The following DCAF6 variants were observed in gnomAD, a reference collection of about 807,000 sequenced individuals.
DCAF6 encodes the protein DDB1 and CUL4 associated factor 6.
Under a neutral mutation model 125.1 loss-of-function variants are expected in DCAF6, and 54 were observed. That is an observed-to-expected ratio of 0.43 (90% CI 0.35 to 0.54). The LOEUF (loss-of-function observed/expected upper bound fraction) is 0.54. DCAF6 is among the 20% of genes least tolerant of loss of function. The pLI is 0.01. For synonymous variants in DCAF6, 371 were observed against 390.4 expected (o/e 0.95, Z 0.58); for missense variants, 934 against 1,161.7 (o/e 0.80, Z 2.85).
the DCAF6 span, among the ~76,000 whole-genome samples, chr1:167,929,709 G>A: frequency 6.6e-6 from 1 of 152,240 alleles, no homozygotes; most frequent in Admixed American, 6.5e-5. Flanking sequence ...TCGTATATAT[G>A]ATTCCCTCCC....
chr1:167,873,569 G>A, the DCAF6 span, among the ~76,000 whole-genome samples: 3 of 152,122 alleles, frequency 2.0e-5, no homozygotes, highest in South Asian at 2.1e-4. Context: ...GAATCCACAG[G>A]TCAATCTTCT....
chr1:168,028,294 TAAC>T (rs1686604639), intron 12 of DCAF6, among the ~76,000 whole-genome samples: 1 of 152,156 alleles, frequency 6.6e-6, no homozygotes, highest in African/African-American at 2.4e-5. Context: ...TTTTAAAAAA[TAAC>T]AACAGCAAAA....
At chr1:167,983,706 TCTA>T (rs1479849133) in intron 4 of DCAF6, among the ~76,000 whole-genome samples, 1 of 152,234 alleles carries the variant, frequency 6.6e-6, no homozygotes, top group Non-Finnish European at 1.5e-5. Flanking sequence ...CTTTTCAAAT[TCTA>T]CTATTAATGT....
chr1:167,868,357 A>G, the DCAF6 span, among the ~76,000 whole-genome samples: 13 of 152,330 alleles, frequency 8.5e-5, no homozygotes, highest in Admixed American at 8.5e-4. Context: ...AAAAGTCTCA[A>G]TTATTAGACA....
chr1:167,979,055 T>G (rs943257217), intron 4 of DCAF6, among the ~76,000 whole-genome samples: 2 of 152,226 alleles, frequency 1.3e-5, no homozygotes, highest in African/African-American at 4.8e-5. Flanking sequence ...CCCAAAGTTA[T>G]GAAGATATTC....
chr1:168,037,959 G>A (rs895281845), intron 12 of DCAF6, among the ~76,000 whole-genome samples: 5 of 152,104 alleles, frequency 3.3e-5, no homozygotes, highest in African/African-American at 1.2e-4. Flanking sequence ...CAGAGCCCTT[G>A]TATCTTACAT....
At chr1:167,870,170 A>T in the DCAF6 span, 1 of 1,459,508 alleles carries the variant, frequency 6.9e-7, no homozygotes, top group Admixed American at 1.7e-5. Flanking sequence ...GATAATTTAC[A>T]TAAGGCAAGT....
At chr1:167,920,128 C>G in the DCAF6 span, 1 of 1,300,366 alleles carries the variant, frequency 7.7e-7, no homozygotes, top group East Asian at 2.3e-5. Flanking sequence ...AGAATACATA[C>G]TGCTTCAATA....
chr1:167,943,254 C>T (rs188671171), intron 1 of DCAF6, among the ~76,000 whole-genome samples: 1 of 152,282 alleles, frequency 6.6e-6, no homozygotes, highest in East Asian at 1.9e-4. Context: ...CCTGGCTATT[C>T]TGAACCCTTT....
At chr1:168,011,408 G>C (rs939551626) in intron 10 of DCAF6, among the ~76,000 whole-genome samples, 1 of 152,044 alleles carries the variant, frequency 6.6e-6, no homozygotes, top group Non-Finnish European at 1.5e-5. Flanking sequence ...GAGCCACTGC[G>C]CCCGACCCAG....
At chr1:168,040,586 T>C (rs552676905) in intron 13 of DCAF6, among the ~76,000 whole-genome samples, 1 of 152,032 alleles carries the variant, frequency 6.6e-6, no homozygotes, top group East Asian at 1.9e-4. Context: ...AATTGTGATG[T>C]TTGTGGCCCT....
intron 5 of DCAF6, 65 bp from the exon 6 acceptor site, chr1:167,991,138 AT>A (rs1680762565): frequency 1.5e-6 from 2 of 1,354,678 alleles, no homozygotes; most frequent in Admixed American, 4.6e-5. Flanking sequence ...ATGAGAAAAT[AT>A]TTTAAATATA....
intron 17 of DCAF6, among the ~76,000 whole-genome samples, chr1:168,058,356 T>C (rs1253512912): frequency 1.3e-5 from 2 of 152,242 alleles, no homozygotes; most frequent in Non-Finnish European, 2.9e-5. Context: ...AATTTAAAAT[T>C]GTTTTCCAAA....
At chr1:167,920,163 G>A in the DCAF6 span, 1 of 906,930 alleles carries the variant, frequency 1.1e-6, no homozygotes, top group Non-Finnish European at 1.7e-6. Context: ...TTAATATTGA[G>A]TAAAGTAATT....
rs1194295213 is a variant in DCAF6, at chr1:168,015,902, TTCTGA to T, written c.1503_1507del (p.Asp502ValfsTer4). 9 of 1,541,364 alleles carry T rather than the reference TTCTGA, an allele frequency of 5.8e-6. No individual in the cohort carries two copies. The highest frequency in any genetic ancestry group is 7.9e-6 in the Non-Finnish European group (9 of 1,142,342). On this transcript the variant is annotated frameshift_variant, in exon 11 of 22. Transcript: ENST00000367840. LOFTEE classifies it high-confidence loss of function. ...CACATACCCAGCAACAGCCTTCCAC[TTCTGA>T]TCAGTCTTCTCATGAGGGCTCTTCA...
the DCAF6 span, among the ~76,000 whole-genome samples, chr1:167,910,288 A>G: frequency 6.6e-6 from 1 of 152,248 alleles, no homozygotes; most frequent in African/African-American, 2.4e-5. Context: ...TAAGATACAT[A>G]AAAGTGTTCA....
chr1:167,878,535 C>G, the DCAF6 span: 1 of 1,613,982 alleles, frequency 6.2e-7, no homozygotes. Flanking sequence ...TAAAAAAGTA[C>G]GCTGGTAGGT....
chr1:168,041,711 T>G (rs1688555518), intron 13 of DCAF6, among the ~76,000 whole-genome samples: 3 of 151,886 alleles, frequency 2.0e-5, no homozygotes, highest in Non-Finnish European at 4.4e-5. Flanking sequence ...CACTAATATG[T>G]CTCTATTCCT....
intron 1 of DCAF6, among the ~76,000 whole-genome samples, chr1:167,949,482 G>T (rs558556775): frequency 4.6e-5 from 7 of 152,292 alleles, no homozygotes; most frequent in East Asian, 3.9e-4. Flanking sequence ...GGTCGGGCAG[G>T]TTTGCTTGAT....
Sources: allele counts gnomAD v4.1 joint callset (sites outside exome capture counted in the v4.1 genomes callset), GRCh38; gene constraint gnomAD v4.1.1; transcripts MANE v1.5; gene names NCBI Gene and HGNC (gene_info 2026-07-23, HGNC 2026-07-21).